The following ABCA3 variants were observed in gnomAD, a reference collection of about 807,000 sequenced individuals.
ABCA3 encodes phospholipid-transporting ATPase ABCA3.
ABCA3 carries 88 observed loss-of-function variants against 172.8 expected under a neutral mutation model. The observed-to-expected ratio is 0.51, with a 90% confidence interval of 0.43 to 0.61. The LOEUF (loss-of-function observed/expected upper bound fraction) is 0.61. Among genes scored for constraint, ABCA3 ranks in the 20% least tolerant of loss-of-function variants. ABCA3 has a pLI of 0.00. For missense variants in ABCA3, 2,164 were observed against 2,301.0 expected (o/e 0.94, Z 1.22); for synonymous variants, 1,066 against 983.8 (o/e 1.08, Z -1.56).
chr16:2,307,668 C>T (rs529835366), intron 11 of ABCA3, among the ~76,000 whole-genome samples: 4 of 152,264 alleles, frequency 2.6e-5, no homozygotes, highest in Middle Eastern at 3.4e-3. Context: ...TGCAGTGGTG[C>T]GATCTCAGCT....
intron 12 of ABCA3, among the ~76,000 whole-genome samples, chr16:2,301,043 A>T (rs868261366): frequency 2.7e-5 from 4 of 150,244 alleles, no homozygotes; most frequent in Non-Finnish European, 4.4e-5. Flanking sequence ...ATCCTGGCTA[A>T]CACGGTGAAA....
In ABCA3 at chr16:2,297,544, A is replaced by C. The variant is rs1446037913; in HGVS notation, c.2053-5T>G. Reference sequence around the variant, plus strand: ...GGGCTCGTCCAGTATCAGCACCTGGAGGGAGAGACACAGTCTCGCGACGCT... The same window carrying C: ...GGGCTCGTCCAGTATCAGCACCTGGCGGGAGAGACACAGTCTCGCGACGCT... On this transcript the variant is annotated splice_region_variant and splice_polypyrimidine_tract_variant and intron_variant, in intron 16 of 32. Coordinates refer to ENST00000301732, the MANE Select transcript of ABCA3 (RefSeq NM_001089.3). This position sits in a 1 kb window ranked among gnomAD's most constrained non-coding sequence, Gnocchi z 5.6. 8 of 1,611,732 alleles carry C rather than the reference A, an allele frequency of 5.0e-6. No homozygotes were observed. The highest frequency in any genetic ancestry group is 1.3e-5 in the African/African-American group (1 of 74,830).
chr16:2,308,532 CAG>C lies in ABCA3; in HGVS notation c.1201_1202del (p.Leu401GlufsTer11). The C allele has an allele frequency of 1.2e-6, 2 of 1,614,212 alleles. No homozygotes were observed. The highest frequency in any genetic ancestry group is 1.3e-5 in the African/African-American group (1 of 75,072). ...FVAPRYNWMT[L>X]SQKLCSCLLS... ...GGAGGCAGGAGCAGAGCTTCTGGCT[CAG>C]AGTCATCCAGTTGTACCGAGGGGCC... is the stretch of plus-strand genomic sequence containing the variant. On this transcript the variant is annotated frameshift_variant, in exon 11 of 33. Coordinates refer to ENST00000301732, the MANE Select transcript of ABCA3 (RefSeq NM_001089.3). LOFTEE classifies it high-confidence loss of function.
intron 5 of ABCA3, among the ~76,000 whole-genome samples, chr16:2,325,371 G>A (rs1169214903): frequency 3.3e-5 from 5 of 152,114 alleles, no homozygotes; most frequent in African/African-American, 9.7e-5. Flanking sequence ...GCTGCTCCCC[G>A]GGGTCCTCAC....
chr16:2,291,577 G>A (rs1426874340), intron 19 of ABCA3, among the ~76,000 whole-genome samples: 8 of 152,304 alleles, frequency 5.3e-5, no homozygotes, highest in African/African-American at 7.2e-5. Context: ...AGCTAGACCC[G>A]TGGCGGGTCT....
At position 2,319,737 on chromosome 16, in the gene ABCA3, C is replaced by T. The variant is rs557960032; in HGVS notation, c.717G>A (p.Thr239=). The change falls in exon 8 of 33, where the codon ACG becomes ACA. Residue 239 remains threonine, a synonymous_variant. Transcript: ENST00000301732. ...GGTACGGGAACCTCTTGATGGTCAC[C>T]GTCAGTCTCTGGAACAGCTGGCGTG... ...AATRQLFQRL[T]VTIKRFPYPP... 1.1e-5 allele frequency: 17 copies of T among 1,613,910 alleles called. No individual in the cohort carries two copies. In the African/African-American group the frequency reaches 1.3e-4, roughly 13 times the overall value.
Position 2,297,330 on chromosome 16 carries a change from G to A in ABCA3, c.2262C>T (p.Tyr754=), listed in dbSNP as rs370268801. The A allele has an allele frequency of 2.0e-5, 33 of 1,610,486 alleles. No individual in the cohort carries two copies. Among genetic ancestry groups the A allele is most frequent in the South Asian group, 4.4e-5 (4 of 90,994 alleles). ...TCGCGGGCTGGCCCCACCGCTCACCGTATTTCTGCTTGAGGAACAGCGAGG... is the reference window on the plus strand; with the variant it reads ...TCGCGGGCTGGCCCCACCGCTCACCATATTTCTGCTTGAGGAACAGCGAGG... The part of the protein sequence containing the change: ...CGSSLFLKQK[Y]GAGYHMTLVK... Residue 754 remains tyrosine, a splice_region_variant and synonymous_variant, in exon 17 of 33, where the codon TAC becomes TAT. Coordinates refer to ENST00000301732, the MANE Select transcript of ABCA3 (RefSeq NM_001089.3). The surrounding 1 kb of genome is among the most constrained non-coding windows in gnomAD (Gnocchi z 5.6).
chr16:2,323,729 A>C (rs2093729757), intron 6 of ABCA3, 41 bp from the exon 7 acceptor site: 1 of 1,613,238 alleles, frequency 6.2e-7, no homozygotes, highest in East Asian at 2.2e-5. Context: ...CGAGAGATCC[A>C]GACAGAGGGG....
chr16:2,335,425 A>G (rs1347188008), intron 1 of ABCA3, among the ~76,000 whole-genome samples: 6 of 152,060 alleles, frequency 3.9e-5, no homozygotes, highest in Admixed American at 6.6e-5. Context: ...GACTACAGGC[A>G]TGTACCACCA....
Position 2,319,647 on chromosome 16 carries a change from G to A in ABCA3, c.807C>T (p.Leu269=). Residue 269 remains leucine, a synonymous_variant, in exon 8 of 33, where the codon CTC becomes CTT. Coordinates refer to ENST00000301732, the MANE Select transcript of ABCA3 (RefSeq NM_001089.3). Reference sequence around the variant, plus strand: ...TGGTGAGCGCGGTGTAGGTGAAGCTGAGCAGCAGCAGCAGGGGCAGCTGGT... The same window carrying A: ...TGGTGAGCGCGGTGTAGGTGAAGCTAAGCAGCAGCAGCAGGGGCAGCTGGT... ...IQYQLPLLLL[L]SFTYTALTIA... 1 of 1,613,782 alleles carries A rather than the reference G, an allele frequency of 6.2e-7. No individual in the cohort carries two copies. Among genetic ancestry groups the A allele is most frequent in the East Asian group, 2.2e-5 (1 of 44,882 alleles).
chr16:2,310,808 A>G (rs2093705547), intron 10 of ABCA3, among the ~76,000 whole-genome samples: 1 of 152,020 alleles, frequency 6.6e-6, no homozygotes, highest in South Asian at 2.1e-4. Context: ...GATGTGAGTC[A>G]CTTGACCGGC....
At chr16:2,305,399 C>A (rs1002395494) in intron 11 of ABCA3, among the ~76,000 whole-genome samples, 1 of 152,160 alleles carries the variant, frequency 6.6e-6, no homozygotes, top group Non-Finnish European at 1.5e-5. Context: ...CAGGTTCAAG[C>A]GGTTCTCCTG....
rs1262172185 is a variant in ABCA3, at chr16:2,281,939, G to A, written c.4036-430C>T. On this transcript the variant is annotated intron_variant, in intron 26 of 32. Transcript: ENST00000301732. The surrounding 1 kb of genome is among the most constrained non-coding windows in gnomAD (Gnocchi z 4.7). ...CCTGCTTCAGCCTCCCGAGTAGCGCGCCACCACGCCCAGCTAATTTTTGTA... is the reference window on the plus strand; with the variant it reads ...CCTGCTTCAGCCTCCCGAGTAGCGCACCACCACGCCCAGCTAATTTTTGTA... 1.3e-5 allele frequency among the ~76,000 whole-genome samples: 2 copies of A among 151,788 alleles called. No homozygotes were observed. Among genetic ancestry groups the A allele is most frequent in the African/African-American group, 4.8e-5 (2 of 41,290 alleles).
At position 2,281,192 on chromosome 16, in the gene ABCA3, G is replaced by A. The variant is rs375731527; in HGVS notation, c.4194C>T (p.Ala1398=). Residue 1398 remains alanine, a synonymous_variant, in exon 28 of 33, where the codon GCC becomes GCT. Coordinates refer to ENST00000301732, the MANE Select transcript of ABCA3 (RefSeq NM_001089.3). The surrounding 1 kb of genome is among the most constrained non-coding windows in gnomAD (Gnocchi z 4.7). Reference sequence around the variant, plus strand: ...GCACCGCGAGGGAGAGCCTGTCCACGGCCAGGAGGGGCACCCGCTGCTCGT... The same window carrying A: ...GCACCGCGAGGGAGAGCCTGTCCACAGCCAGGAGGGGCACCCGCTGCTCGT... ...KVYEQRVPLL[A]VDRLSLAVQK... is the part of the protein sequence containing the mutation. 51 of 1,613,580 alleles carry A rather than the reference G, an allele frequency of 3.2e-5. No homozygotes were observed. The highest frequency in any genetic ancestry group is 2.0e-4 in the Admixed American group (12 of 60,024).
In ABCA3 at chr16:2,285,799, C is replaced by T. The variant is rs552216669; in HGVS notation, c.3279-153G>A. 1.7e-4 allele frequency among the ~76,000 whole-genome samples: 26 copies of T among 152,236 alleles called. No individual in the cohort carries two copies. Among genetic ancestry groups the T allele is most frequent in the African/African-American group, 5.3e-4 (22 of 41,548 alleles). ...GAGCACAAGCACCATGGTTCCATAC[C>T]GGGAACATCTGCCCCCACCGGAGAA... On this transcript the variant is annotated intron_variant, in intron 22 of 32. Transcript: ENST00000301732. This position sits in a 1 kb window ranked among gnomAD's most constrained non-coding sequence, Gnocchi z 4.7.
chr16:2,322,887 A>G (rs1389067016), intron 7 of ABCA3, among the ~76,000 whole-genome samples: 2 of 152,120 alleles, frequency 1.3e-5, no homozygotes, highest in African/African-American at 4.8e-5. Context: ...ATGGGAGAAA[A>G]TTTTTGCAAT....
intron 19 of ABCA3, among the ~76,000 whole-genome samples, chr16:2,291,668 C>G (rs576216907): frequency 1.3e-5 from 2 of 152,352 alleles, no homozygotes; most frequent in South Asian, 2.1e-4. Flanking sequence ...CAGTCACAAT[C>G]TGCACTTGGG....
Position 2,304,050 on chromosome 16 carries a change from G to C in ABCA3, c.1386C>G (p.Leu462=). ...CCATGTACCAGGTCACCAGGCCATAGAGCACAGAGTCCAGCAGCAGCATCC... is the reference window on the plus strand; with the variant it reads ...CCATGTACCAGGTCACCAGGCCATACAGCACAGAGTCCAGCAGCAGCATCC... The part of the protein sequence containing the change: ...VLGMLLLDSV[L]YGLVTWYMEA... The change falls in exon 12 of 33, where the codon CTC becomes CTG. Residue 462 remains leucine (L), a synonymous_variant. Coordinates refer to ENST00000301732, the MANE Select transcript of ABCA3 (RefSeq NM_001089.3). The C allele has an allele frequency of 1.2e-6, 2 of 1,614,204 alleles. No individual in the cohort carries two copies. Among genetic ancestry groups the C allele is most frequent in the Non-Finnish European group, 1.7e-6 (2 of 1,180,032 alleles).
In ABCA3 at chr16:2,303,822, C is replaced by G. The variant is rs1488682791; in HGVS notation, c.1467+147G>C. ...GTCCCAAGGGCCCTCGGGGGACACG[C>G]CACTCCCTGTGCACAGGGCAGGGTT... On this transcript the variant is annotated intron_variant, in intron 12 of 32. Coordinates refer to ENST00000301732, the MANE Select transcript of ABCA3 (RefSeq NM_001089.3). 3.4e-6 allele frequency: 3 copies of G among 893,726 alleles called. No homozygotes were observed. In the African/African-American group the frequency reaches 5.0e-5, roughly 15 times the overall value. The allele number at this position is 893,726 out of a possible 1,614,324, so 55.4% of individuals were successfully genotyped here. A position where few individuals can be genotyped will look rare whatever the true frequency, so the allele number is the denominator to read the frequency against.
Sources: allele counts gnomAD v4.1 joint callset (sites outside exome capture counted in the v4.1 genomes callset), GRCh38; gene constraint gnomAD v4.1.1; non-coding constraint Gnocchi (gnomAD v3.1); transcripts MANE v1.5; gene names NCBI Gene and HGNC (gene_info 2026-07-23, HGNC 2026-07-21).